NPAT: variants seen among roughly 807,000 people sequenced by gnomAD.
NPAT encodes the protein nuclear protein, coactivator of histone transcription.
NPAT carries 52 observed loss-of-function variants against 130.7 expected under a neutral mutation model. That is an observed-to-expected ratio of 0.40 (90% confidence interval 0.32 to 0.50). NPAT has a LOEUF of 0.50. Among genes scored for constraint, NPAT ranks in the 20% least tolerant of loss-of-function variants. NPAT has a pLI of 0.68. For synonymous variants in NPAT, 580 were observed against 584.8 expected, an observed-to-expected ratio of 0.99 and a Z score of 0.12; for missense variants, 1,687 against 1,662.6, an observed-to-expected ratio of 1.01 and a Z score of -0.26.
intron 1 of NPAT, among the ~76,000 whole-genome samples, chr11:108,202,137 T>C (rs1017428346): frequency 3.3e-5 from 5 of 152,192 alleles, no homozygotes; most frequent in Non-Finnish European, 5.9e-5. Flanking sequence ...CTAAGTATAC[T>C]TTCCTAGTCC....
rs572024850 is a variant in NPAT at position 108,181,362 on chromosome 11, G to C, written c.906+3870C>G. Among the ~76,000 whole-genome samples, 65 of 152,272 alleles carry C rather than the reference G, an allele frequency of 4.3e-4. 1 individual carries two copies. Among genetic ancestry groups the C allele is most frequent in the Admixed American group, 4.3e-3 (65 of 15,294 alleles). The stretch of plus-strand genomic sequence containing the variant: ...TGCCTGTTGTCCCAGCCACTTGGGA[G>C]GCTGAAGCAGGAGAATCGCTTGAAC... On this transcript the variant is annotated intron_variant, in intron 10 of 17. Coordinates refer to ENST00000278612, the MANE Select transcript of NPAT (RefSeq NM_002519.3).
At position 108,192,202 on chromosome 11, in the gene NPAT, G is replaced by A. The variant is rs1270908115; in HGVS notation, c.218-12C>T. On this transcript the variant is annotated splice_polypyrimidine_tract_variant and intron_variant, in intron 3 of 17. Coordinates refer to ENST00000278612, the MANE Select transcript of NPAT (RefSeq NM_002519.3). The stretch of plus-strand genomic sequence containing the variant: ...ATTATTTGATGTTTCTAAATCATAG[G>A]AGAAAAGGTTCTTAATAAACCCAGC... 5 of 1,561,434 alleles carry A rather than the reference G, an allele frequency of 3.2e-6. No individual in the cohort carries two copies. The Admixed American group carries it at 8.3e-5, about 26-fold the overall frequency.
chr11:108,216,514 CA>C lies in NPAT; in HGVS notation c.37+5985del, dbSNP rs139424400. 5.3e-3 allele frequency among the ~76,000 whole-genome samples: 773 copies of C among 145,686 alleles called. 16 individuals carry two copies. In the East Asian group the frequency reaches 0.058, roughly 11 times the overall value. ...TTTCGTGTGGGGAGGAGAGGAGGGTCAGGGAAAAAAAAAAAGCCTAAGAAGA... is the reference window on the plus strand; with the variant it reads ...TTTCGTGTGGGGAGGAGAGGAGGGTCGGGAAAAAAAAAAAGCCTAAGAAGA... On this transcript the variant is annotated intron_variant, in intron 1 of 17. Coordinates refer to ENST00000278612, the MANE Select transcript of NPAT (RefSeq NM_002519.3).
In NPAT at chr11:108,189,220, T is replaced by C; in HGVS notation, c.442A>G (p.Thr148Ala). The C allele has an allele frequency of 1.2e-6, 2 of 1,614,190 alleles. No homozygotes were observed. Among genetic ancestry groups the C allele is most frequent in the Non-Finnish European group, 1.7e-6 (2 of 1,180,024 alleles). ...TGTGTACCTGTGGAAGGAGGAGTGG[T>C]AAACTGTCCTGAAAGGTAAGGTAAA... is the stretch of plus-strand genomic sequence containing the variant. ...LTLPYLSGQF[T>A]TPPSTGTQVT... The change falls in exon 6 of 18, where the codon ACC becomes GCC. Residue 148 changes from threonine to alanine, a missense_variant. Coordinates refer to ENST00000278612, the MANE Select transcript of NPAT (RefSeq NM_002519.3).
chr11:108,218,590 T>C (rs2078456015), intron 1 of NPAT, among the ~76,000 whole-genome samples: 1 of 152,144 alleles, frequency 6.6e-6, no homozygotes, highest in South Asian at 2.1e-4. Context: ...AGATAGAAGA[T>C]ATATACACAA....
intron 3 of NPAT, among the ~76,000 whole-genome samples, chr11:108,193,593 C>T (rs1048170728): frequency 9.9e-5 from 15 of 152,078 alleles, no homozygotes; most frequent in East Asian, 9.6e-4. Context: ...GGCATGGTGG[C>T]GCATGCCTGT....
At chr11:108,208,839 A>G (rs1024848634) in intron 1 of NPAT, among the ~76,000 whole-genome samples, 29 of 152,222 alleles carry the variant, frequency 1.9e-4, no homozygotes, top group African/African-American at 6.3e-4. Flanking sequence ...CCAGTCAAAA[A>G]CAGCATAATA....
intron 1 of NPAT, among the ~76,000 whole-genome samples, chr11:108,200,366 T>C (rs1365822127): frequency 6.6e-6 from 1 of 152,188 alleles, no homozygotes; most frequent in Non-Finnish European, 1.5e-5. Flanking sequence ...GGGGACCTTT[T>C]GTTTACCCAT....
intron 13 of NPAT, 72 bp downstream of exon 13, chr11:108,172,127 A>T: frequency 7.6e-7 from 1 of 1,322,118 alleles, no homozygotes; most frequent in Non-Finnish European, 1.1e-6. Context: ...CTTCGCAGTC[A>T]ATAACATCAC....
chr11:108,218,989 G>A (rs1431404951), intron 1 of NPAT, among the ~76,000 whole-genome samples: 2 of 152,212 alleles, frequency 1.3e-5, no homozygotes. Flanking sequence ...GTGATATAAA[G>A]GTGAATAGAA....
intron 1 of NPAT, among the ~76,000 whole-genome samples, chr11:108,219,457 T>C (rs985426954): frequency 3.9e-5 from 6 of 152,212 alleles, no homozygotes; most frequent in East Asian, 1.9e-4. Context: ...AATCTTTCCA[T>C]GTTAAATACT....
intron 13 of NPAT, 50 bp from the exon 14 acceptor site, chr11:108,170,093 CA>C: frequency 8.3e-7 from 1 of 1,198,198 alleles, no homozygotes; most frequent in Non-Finnish European, 1.2e-6. Context: ...AATGTTTTGG[CA>C]CAAAACAAAC....
chr11:108,168,711 A>G (rs2077922914), intron 15 of NPAT, among the ~76,000 whole-genome samples: 1 of 152,216 alleles, frequency 6.6e-6, no homozygotes, highest in South Asian at 2.1e-4. Flanking sequence ...ATTTCGAAGG[A>G]TAAATAAGAA....
intron 17 of NPAT, among the ~76,000 whole-genome samples, chr11:108,160,473 C>T (rs1031858575): frequency 1.3e-5 from 2 of 152,090 alleles, no homozygotes; most frequent in African/African-American, 2.4e-5. Flanking sequence ...GGTAGTTCTA[C>T]ACAATAGTGT....
chr11:108,194,046 A>G, intron 2 of NPAT, 29 bp from the exon 3 acceptor site: 2 of 1,141,192 alleles, frequency 1.8e-6, no homozygotes. Context: ...AATATTACCA[A>G]AATTGTATAA....
At chr11:108,195,426 A>C (rs1442346687) in intron 2 of NPAT, among the ~76,000 whole-genome samples, 1 of 152,154 alleles carries the variant, frequency 6.6e-6, no homozygotes, top group Non-Finnish European at 1.5e-5. Context: ...CTGGGGTATT[A>C]ATTTGCATTT....
At chr11:108,193,452 G>T in intron 3 of NPAT, among the ~76,000 whole-genome samples, 1 of 152,248 alleles carries the variant, frequency 6.6e-6, no homozygotes, top group Non-Finnish European at 1.5e-5. Flanking sequence ...ATGGCTGGGG[G>T]CAGTGGCTCA....
At position 108,164,507 on chromosome 11, in the gene NPAT, C is replaced by T. The variant is rs367669467; in HGVS notation, c.3011-2327G>A. 5.7e-4 allele frequency among the ~76,000 whole-genome samples: 87 copies of T among 152,144 alleles called. 2 individuals carry two copies. Among genetic ancestry groups the T allele is most frequent in the African/African-American group, 2.0e-3 (83 of 41,506 alleles). On this transcript the variant is annotated intron_variant, in intron 15 of 17. Transcript: ENST00000278612. ...GGCTGTTTAGTAAAGGAAGTGAATC[C>T]GGAAAGAAGACACAAGTTCAGGTAA...
At chr11:108,211,546 G>GAAA (rs200914423) in intron 1 of NPAT, among the ~76,000 whole-genome samples, 1 of 111,668 alleles carries the variant, frequency 9.0e-6, no homozygotes. Flanking sequence ...CTGTCTTCAG[G>GAAA]AAAAAAAAAA....
Sources: allele counts gnomAD v4.1 joint callset (sites outside exome capture counted in the v4.1 genomes callset), GRCh38; gene constraint gnomAD v4.1.1; transcripts MANE v1.5; gene names NCBI Gene and HGNC (gene_info 2026-07-23, HGNC 2026-07-21).